The following TAPT1 variants were observed in gnomAD, a reference collection of about 807,000 sequenced individuals.
TAPT1 encodes the protein transmembrane anterior posterior transformation protein 1 homolog.
In TAPT1, 28 loss-of-function variants were observed where a neutral mutation model predicts 65.6. That is an observed-to-expected ratio of 0.43 (90% CI 0.32 to 0.59). The LOEUF is 0.59. Ranked by LOEUF, TAPT1 falls within the 20% of genes least tolerant of loss-of-function variation. TAPT1 has a pLI of 0.09. For synonymous variants in TAPT1, 278 were observed against 245.2 expected (o/e 1.13, Z -1.25); for missense variants, 563 against 679.9 (o/e 0.83, Z 1.91).
chr4:16,187,481 T>C (rs1169270195), intron 5 of TAPT1, among the ~76,000 whole-genome samples: 1 of 152,178 alleles, frequency 6.6e-6, no homozygotes, highest in Non-Finnish European at 1.5e-5. Context: ...CTAAGAGTGG[T>C]AACTGCTTTA....
chr4:16,179,339 A>G lies in TAPT1; in HGVS notation c.997+238T>C, dbSNP rs568084205. On this transcript the variant is annotated intron_variant, in intron 8 of 13. Transcript: ENST00000405303. ...TCTAAACACAGAAAAGGACACTAGGAGACCAGGTGACAGGAATTTTTCAGG... is the reference window on the plus strand; with the variant it reads ...TCTAAACACAGAAAAGGACACTAGGGGACCAGGTGACAGGAATTTTTCAGG... 1.5e-4 allele frequency: 62 copies of G among 404,222 alleles called. 1 individual carries two copies. In the South Asian group the frequency reaches 2.1e-3, roughly 14 times the overall value. The allele number at this position is 404,222 out of a possible 1,614,324, so 25.0% of individuals were successfully genotyped here.
chr4:16,195,623 CT>C (rs1460713941), intron 3 of TAPT1, among the ~76,000 whole-genome samples: 1 of 152,192 alleles, frequency 6.6e-6, no homozygotes, highest in African/African-American at 2.4e-5. Flanking sequence ...CAAAATTTTA[CT>C]TTTTATTCTT....
In TAPT1 at chr4:16,165,160, C is replaced by T. The variant is rs182235650; in HGVS notation, c.1474+1473G>A. Among the ~76,000 whole-genome samples the T allele has an allele frequency of 2.6e-5, 4 of 152,256 alleles. No individual in the cohort carries two copies. In the East Asian group the frequency reaches 7.7e-4, roughly 29 times the overall value. The stretch of plus-strand genomic sequence containing the variant: ...CCCCCCTCTCCTGTCCCTCCAAACC[C>T]TCTGCTCACCTATTTGGACCCCTGT... On this transcript the variant is annotated intron_variant, in intron 13 of 13. Coordinates refer to ENST00000405303, the MANE Select transcript of TAPT1 (RefSeq NM_153365.3).
rs78139270 is a variant in TAPT1 at position 16,220,288 on chromosome 4, T to C, written c.199+5971A>G. 4.4e-3 allele frequency among the ~76,000 whole-genome samples: 674 copies of C among 152,358 alleles called. 5 individuals are homozygous for C. The highest frequency in any genetic ancestry group is 6.1e-3 in the Non-Finnish European group (417 of 68,040). On this transcript the variant is annotated intron_variant, in intron 1 of 13. Coordinates refer to ENST00000405303, the MANE Select transcript of TAPT1 (RefSeq NM_153365.3). ...GTACATCTTAACTTCTGTCAGACTT[T>C]TGCAGTATTTCATTCCTTCTAAGCA... is the stretch of plus-strand genomic sequence containing the variant.
chr4:16,166,745 C>G lies in TAPT1; in HGVS notation c.1362G>C (p.Ser454=), dbSNP rs747122606. The G allele has an allele frequency of 6.2e-7, 1 of 1,613,836 alleles. No homozygotes were observed. The highest frequency in any genetic ancestry group is 1.7e-5 in the Admixed American group (1 of 60,012). The change falls in exon 13 of 14, where the codon TCG becomes TCC. Residue 454 remains serine, a synonymous_variant. Transcript: ENST00000405303. The stretch of plus-strand genomic sequence containing the variant: ...TTTTGGCTTCCTTCACATACTGGCA[C>G]GATTTCCCCAACAGCACGATGCTAT... The part of the protein sequence containing the change: ...VLNSIVLLGK[S]CQYVKEAKME...
chr4:16,213,725 A>C (rs768845609), intron 2 of TAPT1, 43 bp downstream of exon 2: 1 of 1,499,126 alleles, frequency 6.7e-7, no homozygotes, highest in Admixed American at 2.5e-5. Context: ...ATACTTTGAC[A>C]TAACTTTCAA....
At chr4:16,198,141 A>G (rs567965867) in intron 3 of TAPT1, among the ~76,000 whole-genome samples, 13 of 152,324 alleles carry the variant, frequency 8.5e-5, no homozygotes, top group African/African-American at 3.1e-4. Context: ...GCACTGTAGA[A>G]CCACCCTTGT....
At chr4:16,194,046 G>A (rs929469737) in intron 3 of TAPT1, among the ~76,000 whole-genome samples, 3 of 152,064 alleles carry the variant, frequency 2.0e-5, no homozygotes, top group Non-Finnish European at 4.4e-5. Flanking sequence ...ATATCCAATT[G>A]TGTTTCTTTA....
intron 4 of TAPT1, 64 bp downstream of exon 4, chr4:16,191,297 C>T: frequency 1.3e-6 from 2 of 1,503,650 alleles, no homozygotes; most frequent in African/African-American, 1.4e-5. Flanking sequence ...CAGGTACCTT[C>T]AGAACTGAAG....
Position 16,176,231 on chromosome 4 carries a change from G to A in TAPT1, c.998-3C>T. The A allele has an allele frequency of 6.7e-7, 1 of 1,492,118 alleles. No individual in the cohort carries two copies. The highest frequency in any genetic ancestry group is 2.4e-5 in the East Asian group (1 of 42,016). The allele number at this position is 1,492,118 out of a possible 1,614,324, so 92.4% of individuals were successfully genotyped here. A position where few individuals can be genotyped will look rare whatever the true frequency, so the allele number is the denominator to read the frequency against. ...TGGAAACAACACCCAGAGATGATCTGTAAATAGAAAAAAGAAAAACAACGA... is the reference window on the plus strand; with the variant it reads ...TGGAAACAACACCCAGAGATGATCTATAAATAGAAAAAAGAAAAACAACGA... On this transcript the variant is annotated splice_polypyrimidine_tract_variant and splice_region_variant and intron_variant, in intron 8 of 13. Transcript: ENST00000405303.
intron 2 of TAPT1, 37 bp from the exon 3 acceptor site, chr4:16,202,617 A>G (rs1008760450): frequency 7.2e-6 from 8 of 1,110,956 alleles, no homozygotes; most frequent in Non-Finnish European, 1.0e-5. Flanking sequence ...AAAAAAAAGT[A>G]TTTTAAAAAT....
In TAPT1 at chr4:16,213,908, A is replaced by T. The variant is rs1458511110; in HGVS notation, c.200-10T>A. ...CTCAACAATGAAAGCTCTACAGAAA[A>T]GAAAATGACAGAAAACAAAAAGAAC... is the stretch of plus-strand genomic sequence containing the variant. On this transcript the variant is annotated splice_polypyrimidine_tract_variant and intron_variant, in intron 1 of 13. Coordinates refer to ENST00000405303, the MANE Select transcript of TAPT1 (RefSeq NM_153365.3). The T allele has an allele frequency of 6.3e-7, 1 of 1,579,590 alleles. No homozygotes were observed. Among genetic ancestry groups the T allele is most frequent in the East Asian group, 2.3e-5 (1 of 44,410 alleles).
At chr4:16,166,913 T>C (rs1471995243) in intron 12 of TAPT1, 120 bp from the exon 13 acceptor site, 2 of 923,444 alleles carry the variant, frequency 2.2e-6, no homozygotes, top group African/African-American at 1.6e-5. Context: ...AGATTAGGGA[T>C]TTAGAGGAAC....
intron 4 of TAPT1, 72 bp downstream of exon 4, chr4:16,191,289 G>T: frequency 6.9e-7 from 1 of 1,455,730 alleles, no homozygotes; most frequent in South Asian, 1.4e-5. Context: ...TTGACTCTCA[G>T]GTACCTTCAG....
chr4:16,169,680 T>C (rs1747866750), intron 12 of TAPT1, among the ~76,000 whole-genome samples: 1 of 152,184 alleles, frequency 6.6e-6, no homozygotes. Flanking sequence ...CTGCAGGAGC[T>C]GGGAAGCAGG....
chr4:16,205,602 G>A (rs1024052548), intron 2 of TAPT1, among the ~76,000 whole-genome samples: 28 of 152,116 alleles, frequency 1.8e-4, no homozygotes, highest in Admixed American at 5.2e-4. Flanking sequence ...GTGTGTATTT[G>A]GGGGCAGGTG....
intron 3 of TAPT1, 86 bp from the exon 4 acceptor site, chr4:16,191,609 C>A: frequency 7.8e-7 from 1 of 1,286,006 alleles, no homozygotes; most frequent in Non-Finnish European, 1.0e-6. Context: ...TATACACTGG[C>A]ATACAAAGGT....
chr4:16,160,826 AGCAAG>A lies in TAPT1; in HGVS notation c.*2477_*2481del, dbSNP rs1427152238. The A allele has an allele frequency of 6.5e-6, 1 of 152,710 alleles. No homozygotes were observed. Among genetic ancestry groups the A allele is most frequent in the African/African-American group, 2.4e-5 (1 of 41,474 alleles). 9.5% of individuals were successfully genotyped at this position (152,710 alleles called of 1,614,324 possible). A position where few individuals can be genotyped will look rare whatever the true frequency, so the allele number is the denominator to read the frequency against. ...GGATATATTTTGATGGCCTAATTAT[AGCAAG>A]TTTCTTTCACTTTATGTAACATGAA... On this transcript the variant is annotated 3_prime_UTR_variant, in exon 14 of 14. Transcript: ENST00000405303.
At chr4:16,165,084 A>G (rs1747508365) in intron 13 of TAPT1, among the ~76,000 whole-genome samples, 1 of 151,836 alleles carries the variant, frequency 6.6e-6, no homozygotes, top group Admixed American at 6.6e-5. Flanking sequence ...TGCCCTTTCC[A>G]CCAGTCTGCC....
Sources: gnomAD v4.1 joint callset for allele counts (sites outside exome capture counted in the v4.1 genomes callset) on GRCh38, gnomAD v4.1.1 for gene constraint, MANE v1.5 for transcripts, NCBI Gene and HGNC (gene_info 2026-07-23, HGNC 2026-07-21) for gene names.